The following PADI4 variants were observed in gnomAD, a reference collection of about 807,000 sequenced individuals.
The protein encoded by PADI4 is peptidyl arginine deiminase 4, also known as protein-arginine deiminase type-4.
Under a neutral mutation model 75.0 loss-of-function variants are expected in PADI4, and 62 were observed. The ratio of observed to expected loss-of-function variants is 0.83; its 90% CI spans 0.67 to 1.02. PADI4 has a LOEUF of 1.02. Among genes scored for constraint, PADI4 ranks in the 50% least tolerant of loss-of-function variants. The probability of loss-of-function intolerance (pLI) is 0.00; values close to 1 mark genes in which losing one functional copy is unlikely to be tolerated. For synonymous variants in PADI4, 361 were observed against 348.1 expected (o/e 1.04, Z -0.41); for missense variants, 845 against 850.5 (o/e 0.99, Z 0.08).
At chr1:17,342,994 T>C (rs1023939567) in intron 8 of PADI4, among the ~76,000 whole-genome samples, 1 of 151,250 alleles carries the variant, frequency 6.6e-6, no homozygotes, top group African/African-American at 2.4e-5. Context: ...ATAACCAGCC[T>C]GGCCAACATG....
intron 6 of PADI4, among the ~76,000 whole-genome samples, chr1:17,341,322 A>G (rs1318975642): frequency 6.6e-6 from 1 of 151,960 alleles, no homozygotes; most frequent in African/African-American, 2.4e-5. Context: ...GCTGGTCTGG[A>G]TCTCCTGACC....
intron 8 of PADI4, among the ~76,000 whole-genome samples, chr1:17,344,565 C>T (rs915239858): frequency 6.6e-6 from 1 of 152,214 alleles, no homozygotes; most frequent in African/African-American, 2.4e-5. Flanking sequence ...AGGCCAGGCC[C>T]AGGGTCCCCA....
intron 15 of PADI4, among the ~76,000 whole-genome samples, chr1:17,360,191 G>A (rs1270018917): frequency 6.6e-6 from 1 of 151,946 alleles, no homozygotes; most frequent in Non-Finnish European, 1.5e-5. Context: ...CTTGAGAGGC[G>A]GAAGCAGGAG....
At chr1:17,324,885 T>C (rs991635070) in intron 1 of PADI4, among the ~76,000 whole-genome samples, 1 of 152,266 alleles carries the variant, frequency 6.6e-6, no homozygotes, top group Non-Finnish European at 1.5e-5. Flanking sequence ...ACATTTATGA[T>C]ATAGTCTCTA....
At chr1:17,313,324 A>T (rs1232307985) in intron 1 of PADI4, among the ~76,000 whole-genome samples, 2 of 151,124 alleles carry the variant, frequency 1.3e-5, no homozygotes, top group African/African-American at 4.9e-5. Context: ...ACATGGTGAA[A>T]CCCCATCTCT....
chr1:17,334,010 G>A lies in PADI4; in HGVS notation c.340+1G>A. The A allele has an allele frequency of 6.3e-7, 1 of 1,599,020 alleles. No individual in the cohort carries two copies. Among genetic ancestry groups the A allele is most frequent in the Non-Finnish European group, 8.6e-7 (1 of 1,166,156 alleles). ...GCTCTACTCTACCTCACCGGGGTGG[G>A]TAAGTGACAACCAGGATCCTAGAGT... On this transcript the variant is annotated splice_donor_variant, in intron 3 of 15. Coordinates refer to ENST00000375448, the MANE Select transcript of PADI4 (RefSeq NM_012387.3). LOFTEE classifies it high-confidence loss of function.
chr1:17,361,629 C>T (rs150468105), intron 15 of PADI4, among the ~76,000 whole-genome samples: 4 of 152,274 alleles, frequency 2.6e-5, no homozygotes, highest in East Asian at 1.9e-4. Flanking sequence ...GTCATTGCAA[C>T]GGAGATATGT....
At chr1:17,352,071 A>AG (rs138781540) in intron 10 of PADI4, among the ~76,000 whole-genome samples, 4 of 124,824 alleles carry the variant, frequency 3.2e-5, no homozygotes, top group African/African-American at 9.3e-5. Context: ...GGGAGGTGGG[A>AG]AGAGAGGCAG....
At chr1:17,330,002 A>G (rs921600720) in intron 1 of PADI4, among the ~76,000 whole-genome samples, 2 of 152,180 alleles carry the variant, frequency 1.3e-5, no homozygotes, top group African/African-American at 4.8e-5. Flanking sequence ...GTTTCTTAAG[A>G]GGAAGGTCCT....
chr1:17,333,560 C>T (rs1040745957), intron 2 of PADI4, among the ~76,000 whole-genome samples: 1 of 151,796 alleles, frequency 6.6e-6, no homozygotes, highest in Non-Finnish European at 1.5e-5. Flanking sequence ...TCAGGTCTTT[C>T]CTTGATCCCT....
intron 1 of PADI4, among the ~76,000 whole-genome samples, chr1:17,326,471 A>G (rs977953383): frequency 6.6e-6 from 1 of 152,194 alleles, no homozygotes; most frequent in Non-Finnish European, 1.5e-5. Context: ...CTTGTAAGTA[A>G]TTGAGATGTC....
At chr1:17,337,913 C>CA (rs1348216574) in intron 4 of PADI4, 125 bp from the exon 5 acceptor site, 8 of 389,056 alleles carry the variant, frequency 2.1e-5, no homozygotes, top group East Asian at 9.1e-5. Context: ...GACTCCGTCT[C>CA]AAAAAAATAA....
Position 17,336,139 on chromosome 1 carries a change from C to G in PADI4, c.341-20C>G, listed in dbSNP as rs374275193. 3 of 1,596,000 alleles carry G rather than the reference C, an allele frequency of 1.9e-6. No individual in the cohort carries two copies. Among genetic ancestry groups the G allele is most frequent in the Admixed American group, 1.7e-5 (1 of 59,914 alleles). On this transcript the variant is annotated intron_variant, in intron 3 of 15. Coordinates refer to ENST00000375448, the MANE Select transcript of PADI4 (RefSeq NM_012387.3). The stretch of plus-strand genomic sequence containing the variant: ...CCCCGGACCCTCACCAACCTCTCCT[C>G]TTACTTGATGGGATTTCAGAAATCT...
intron 1 of PADI4, among the ~76,000 whole-genome samples, chr1:17,325,454 G>T (rs545354910): frequency 6.6e-6 from 1 of 152,002 alleles, no homozygotes; most frequent in Non-Finnish European, 1.5e-5. Context: ...GTATAGAAAT[G>T]TAATTTATTT....
chr1:17,311,050 T>C (rs983098759), intron 1 of PADI4, among the ~76,000 whole-genome samples: 2 of 151,618 alleles, frequency 1.3e-5, no homozygotes, highest in East Asian at 1.9e-4. Flanking sequence ...TGAACCGAGA[T>C]TGTGCCACTG....
intron 10 of PADI4, among the ~76,000 whole-genome samples, chr1:17,353,745 G>A (rs1294070247): frequency 6.6e-6 from 1 of 152,190 alleles, no homozygotes; most frequent in Non-Finnish European, 1.5e-5. Context: ...ATGCGGGAGG[G>A]CCTGTGATGA....
intron 10 of PADI4, 98 bp from the exon 11 acceptor site, chr1:17,354,435 A>G: frequency 9.9e-7 from 1 of 1,010,700 alleles, no homozygotes; most frequent in Middle Eastern, 2.4e-4. Flanking sequence ...GTACTGAGTT[A>G]CTTCCTGTGC....
In PADI4 at chr1:17,352,149, G is replaced by A. The variant is rs539491669; in HGVS notation, c.1156-2384G>A. Reference sequence around the variant, plus strand: ...GAGGTGATGGGAGGCAGTAGGAGAGGCAATCAGGGAGGTGATGAGAGGTGG... The same window carrying A: ...GAGGTGATGGGAGGCAGTAGGAGAGACAATCAGGGAGGTGATGAGAGGTGG... On this transcript the variant is annotated intron_variant, in intron 10 of 15. Transcript: ENST00000375448. 5.3e-5 allele frequency among the ~76,000 whole-genome samples: 8 copies of A among 150,102 alleles called. No individual in the cohort carries two copies. In the East Asian group the frequency reaches 1.6e-3, roughly 30 times the overall value.
At chr1:17,331,426 G>A (rs2074210140) in intron 2 of PADI4, among the ~76,000 whole-genome samples, 1 of 152,208 alleles carries the variant, frequency 6.6e-6, no homozygotes, top group Non-Finnish European at 1.5e-5. Flanking sequence ...CAGGCACTGG[G>A]AATCCAGAAA....
Sources: gnomAD v4.1 joint callset for allele counts (sites outside exome capture counted in the v4.1 genomes callset) on GRCh38, gnomAD v4.1.1 for gene constraint, MANE v1.5 for transcripts, NCBI Gene and HGNC (gene_info 2026-07-23, HGNC 2026-07-21) for gene names.